TENM4: variants seen among roughly 807,000 people sequenced by gnomAD.
The protein encoded by TENM4 is teneurin transmembrane protein 4.
A neutral mutation model predicts 243.3 loss-of-function variants in TENM4; 82 were observed. The observed-to-expected ratio is 0.34, with a 90% CI of 0.28 to 0.40. TENM4 has a LOEUF of 0.40. Ranked by LOEUF, TENM4 falls within the 10% of genes least tolerant of loss-of-function variation. TENM4 has a pLI of 1.00. For missense variants in TENM4, 3,138 were observed against 3,673.3 expected, an observed-to-expected ratio of 0.85 and a Z score of 3.77; for synonymous variants, 1,412 against 1,456.3, an observed-to-expected ratio of 0.97 and a Z score of 0.69.
At chr11:78,854,479 C>T (rs1017806397) in intron 11 of TENM4, among the ~76,000 whole-genome samples, 165 bp from the exon 12 acceptor site, 1 of 152,190 alleles carries the variant, frequency 6.6e-6, no homozygotes, top group African/African-American at 2.4e-5. Context: ...TCAACTCTTC[C>T]CCAGACCCAT....
chr11:79,047,441 A>G (rs750708064), intron 6 of TENM4, among the ~76,000 whole-genome samples: 4 of 151,984 alleles, frequency 2.6e-5, no homozygotes, highest in Non-Finnish European at 5.9e-5. Flanking sequence ...CATCAAGCTC[A>G]CTCGTGCTCT....
chr11:79,004,941 CA>C (rs58631195), intron 6 of TENM4, among the ~76,000 whole-genome samples: 42,188 of 87,730 alleles, frequency 0.48, 9,436 homozygotes, highest in Non-Finnish European at 0.61. Flanking sequence ...ATAGAAATAC[CA>C]AAAAAAAAAA....
intron 6 of TENM4, among the ~76,000 whole-genome samples, chr11:78,951,873 A>T (rs897868408): frequency 2.0e-5 from 3 of 152,222 alleles, no homozygotes; most frequent in Non-Finnish European, 4.4e-5. Flanking sequence ...CCCTATAGAT[A>T]CATAAAAGTA....
rs1859321901 is a variant in TENM4, at chr11:79,438,349, G to C, written c.-321+2160C>G. On this transcript the variant is annotated intron_variant, in intron 1 of 33. Transcript: ENST00000278550. The surrounding 1 kb of genome is among the most constrained non-coding windows in gnomAD (Gnocchi z 4.1). ...CGGCGCTGGAGGGAAGCGGCGAAACGGGGAGAATAAACGCAACAGAAGCAA... is the reference window on the plus strand; with the variant it reads ...CGGCGCTGGAGGGAAGCGGCGAAACCGGGAGAATAAACGCAACAGAAGCAA... 6.6e-6 allele frequency among the ~76,000 whole-genome samples: 1 copy of C among 152,206 alleles called. No homozygotes were observed. The highest frequency in any genetic ancestry group is 2.4e-5 in the African/African-American group (1 of 41,452).
intron 6 of TENM4, among the ~76,000 whole-genome samples, chr11:78,945,729 C>T (rs1379018118): frequency 6.6e-6 from 1 of 152,154 alleles, no homozygotes; most frequent in Non-Finnish European, 1.5e-5. Context: ...ATTGAACACA[C>T]AAATGATAAG....
chr11:78,996,934 T>C (rs1412977173), intron 6 of TENM4, among the ~76,000 whole-genome samples: 2 of 152,008 alleles, frequency 1.3e-5, no homozygotes, highest in Admixed American at 1.3e-4. Context: ...GGGTGCGATG[T>C]GAAGGTGCCA....
At chr11:79,352,478 C>G (rs755344822) in intron 1 of TENM4, among the ~76,000 whole-genome samples, 2 of 152,192 alleles carry the variant, frequency 1.3e-5, no homozygotes, top group Non-Finnish European at 1.5e-5. Flanking sequence ...ATGGGCTCCT[C>G]ACACCACTGC....
At chr11:78,712,790 C>G in intron 25 of TENM4, 76 bp from the exon 26 acceptor site, 1 of 1,371,586 alleles carries the variant, frequency 7.3e-7, no homozygotes, top group Non-Finnish European at 1.0e-6. Flanking sequence ...CAGATGAACC[C>G]CTGGCCCTTT....
intron 3 of TENM4, among the ~76,000 whole-genome samples, chr11:79,151,107 G>A (rs1862501728): frequency 6.6e-6 from 1 of 152,076 alleles, no homozygotes; most frequent in South Asian, 2.1e-4. Flanking sequence ...TGGCTTCTGT[G>A]ACTCACCATT....
chr11:78,903,014 G>A (rs952295585), intron 7 of TENM4, among the ~76,000 whole-genome samples: 3 of 151,454 alleles, frequency 2.0e-5, no homozygotes, highest in East Asian at 2.0e-4. Flanking sequence ...CAAGGGGTTG[G>A]TGCGGGGGGT....
intron 26 of TENM4, among the ~76,000 whole-genome samples, chr11:78,710,401 A>AG (rs1318903738): frequency 6.6e-6 from 1 of 152,180 alleles, no homozygotes; most frequent in Non-Finnish European, 1.5e-5. Flanking sequence ...GAGTGCTGAG[A>AG]ACCTGCTGGA....
intron 2 of TENM4, chr11:79,269,584 A>T (rs1855934521): frequency 6.6e-6 from 1 of 152,408 alleles, no homozygotes; most frequent in African/African-American, 2.4e-5. Context: ...CTGCACCCCT[A>T]CCTGGGAGAG....
At chr11:79,142,611 T>G (rs1565222124) in intron 4 of TENM4, among the ~76,000 whole-genome samples, 1 of 152,034 alleles carries the variant, frequency 6.6e-6, no homozygotes, top group East Asian at 1.9e-4. Context: ...AAGACATTCT[T>G]CACAGCAATA....
chr11:79,204,464 C>T (rs542510), intron 3 of TENM4, among the ~76,000 whole-genome samples: 90,701 of 151,972 alleles, frequency 0.6, 28,569 homozygotes, highest in African/African-American at 0.8. Flanking sequence ...TAGAAGTTTC[C>T]AGTCTGGTTG....
chr11:78,766,041 T>C (rs558369097), intron 18 of TENM4, among the ~76,000 whole-genome samples: 2 of 152,328 alleles, frequency 1.3e-5, no homozygotes, highest in East Asian at 3.9e-4. Context: ...ACATATTTTA[T>C]AATAAATATC....
chr11:78,752,423 C>A (rs184679346), intron 19 of TENM4, among the ~76,000 whole-genome samples: 1 of 152,308 alleles, frequency 6.6e-6, no homozygotes, highest in Admixed American at 6.5e-5. Flanking sequence ...CAGTGTGCCT[C>A]ATACTTGAGG....
intron 3 of TENM4, among the ~76,000 whole-genome samples, chr11:79,167,322 G>A (rs1005357616): frequency 2.6e-5 from 4 of 152,166 alleles, no homozygotes; most frequent in Non-Finnish European, 4.4e-5. Context: ...ATGGCCAGTG[G>A]GGACCTGTTG....
chr11:79,201,272 T>C (rs1239610968), intron 3 of TENM4, among the ~76,000 whole-genome samples: 1 of 152,120 alleles, frequency 6.6e-6, no homozygotes, highest in African/African-American at 2.4e-5. Context: ...GTCCAGGGAC[T>C]GCACTTTGAG....
At chr11:78,727,069 C>G (rs1215414099) in intron 22 of TENM4, among the ~76,000 whole-genome samples, 1 of 152,166 alleles carries the variant, frequency 6.6e-6, no homozygotes, top group Non-Finnish European at 1.5e-5. Flanking sequence ...CTGGAAATCA[C>G]AGTGAAGAAG....
Sources: allele counts gnomAD v4.1 joint callset (sites outside exome capture counted in the v4.1 genomes callset), GRCh38; gene constraint gnomAD v4.1.1; non-coding constraint Gnocchi (gnomAD v3.1); transcripts MANE v1.5; gene names NCBI Gene and HGNC (gene_info 2026-07-23, HGNC 2026-07-21).